Variants in GALNTL6 observed in about 807,000 individuals in gnomAD.
GALNTL6 encodes polypeptide N-acetylgalactosaminyltransferase like 6, also known as polypeptide N-acetylgalactosaminyltransferase-like 6.
A neutral mutation model predicts 73.7 loss-of-function variants in GALNTL6; 46 were observed. That is an observed-to-expected ratio of 0.62 (90% CI 0.49 to 0.80). The LOEUF is 0.80. Ranked by LOEUF, GALNTL6 falls within the 30% of genes least tolerant of loss-of-function variation. The pLI, the probability that GALNTL6 is intolerant of heterozygous loss-of-function variation, is 0.00. For missense variants in GALNTL6, 604 were observed against 755.0 expected (o/e 0.80, Z 2.34); for synonymous variants, 259 against 263.7 (o/e 0.98, Z 0.17).
chr4:172,259,397 ATCT>A (rs1738181497), intron 3 of GALNTL6, among the ~76,000 whole-genome samples: 1 of 149,048 alleles, frequency 6.7e-6, no homozygotes, highest in Non-Finnish European at 1.5e-5. Flanking sequence ...CCATTCGTAT[ATCT>A]TCTTTAGATA....
chr4:172,050,320 G>C (rs146632648), intron 2 of GALNTL6, among the ~76,000 whole-genome samples: 5 of 152,276 alleles, frequency 3.3e-5, no homozygotes, highest in East Asian at 3.9e-4. Flanking sequence ...TTAAGAGCAA[G>C]TGTAAATTTC....
At chr4:172,771,044 G>A (rs1042471031) in intron 5 of GALNTL6, among the ~76,000 whole-genome samples, 1 of 152,078 alleles carries the variant, frequency 6.6e-6, no homozygotes, top group Non-Finnish European at 1.5e-5. Context: ...CAGACCAAAG[G>A]GAAAACCTTA....
At chr4:172,356,572 G>GT (rs1742170565) in intron 5 of GALNTL6, among the ~76,000 whole-genome samples, 4 of 152,132 alleles carry the variant, frequency 2.6e-5, no homozygotes, top group African/African-American at 9.7e-5. Context: ...AAGCTGACAA[G>GT]TTTTGAACAT....
chr4:172,354,045 G>A (rs116358616), intron 5 of GALNTL6, among the ~76,000 whole-genome samples: 83 of 152,190 alleles, frequency 5.5e-4, no homozygotes, highest in African/African-American at 1.8e-3. Context: ...TTGTAAAACC[G>A]AAGAAGAATG....
At chr4:172,476,054 A>G (rs1378170172) in intron 5 of GALNTL6, among the ~76,000 whole-genome samples, 3 of 152,236 alleles carry the variant, frequency 2.0e-5, no homozygotes, top group African/African-American at 7.2e-5. Flanking sequence ...AGTTCCTTAG[A>G]CTGCACCTAT....
chr4:171,901,389 A>G (rs1470856339), intron 2 of GALNTL6, among the ~76,000 whole-genome samples: 1 of 152,152 alleles, frequency 6.6e-6, no homozygotes, highest in Non-Finnish European at 1.5e-5. Context: ...TAGCAACTAG[A>G]CACCTACCAC....
At chr4:171,883,772 C>G (rs1193829432) in intron 2 of GALNTL6, among the ~76,000 whole-genome samples, 1 of 151,804 alleles carries the variant, frequency 6.6e-6, no homozygotes, top group Non-Finnish European at 1.5e-5. Flanking sequence ...CTCAGCCTCC[C>G]GAGTAGCTGG....
At chr4:172,868,242 C>CA (rs1744758243) in intron 7 of GALNTL6, among the ~76,000 whole-genome samples, 1 of 152,134 alleles carries the variant, frequency 6.6e-6, no homozygotes. Flanking sequence ...CAACACTATG[C>CA]AAAAATCACA....
At chr4:172,184,053 AG>A (rs2110861847) in intron 2 of GALNTL6, among the ~76,000 whole-genome samples, 1 of 152,196 alleles carries the variant, frequency 6.6e-6, no homozygotes, top group East Asian at 1.9e-4. Flanking sequence ...GGCCTCCCAA[AG>A]TGTGGGATTA....
chr4:171,853,206 T>C (rs1385885362), intron 2 of GALNTL6, among the ~76,000 whole-genome samples: 1 of 151,858 alleles, frequency 6.6e-6, no homozygotes, highest in Non-Finnish European at 1.5e-5. Flanking sequence ...CTCTCTGTCA[T>C]ACCTTTTCTT....
At chr4:172,156,549 A>ATATAC (rs1734286355) in intron 2 of GALNTL6, among the ~76,000 whole-genome samples, 26 of 65,956 alleles carry the variant, frequency 3.9e-4, no homozygotes, top group African/African-American at 1.4e-3. Context: ...TAATATATAT[A>ATATAC]TATATATATA....
At chr4:172,980,151 A>T (rs1360906963) in intron 10 of GALNTL6, among the ~76,000 whole-genome samples, 1 of 152,202 alleles carries the variant, frequency 6.6e-6, no homozygotes, top group Non-Finnish European at 1.5e-5. Flanking sequence ...GTCCTGCCTT[A>T]TGTGATCTGC....
At chr4:172,843,097 G>A (rs1281479305) in intron 7 of GALNTL6, among the ~76,000 whole-genome samples, 2 of 152,120 alleles carry the variant, frequency 1.3e-5, no homozygotes, top group Admixed American at 6.5e-5. Context: ...CCCTGTCAAA[G>A]GTCCTCTGTA....
At chr4:171,934,115 G>A (rs1023387229) in intron 2 of GALNTL6, among the ~76,000 whole-genome samples, 5 of 152,032 alleles carry the variant, frequency 3.3e-5, no homozygotes, top group African/African-American at 9.7e-5. Context: ...GGATAAATAG[G>A]CTAGTGTATC....
At chr4:172,331,364 C>T (rs1435475563) in intron 4 of GALNTL6, among the ~76,000 whole-genome samples, 1 of 152,078 alleles carries the variant, frequency 6.6e-6, no homozygotes, top group Non-Finnish European at 1.5e-5. Context: ...ACTGCAACCT[C>T]CACCTCCCAG....
At chr4:172,192,439 C>T (rs542563437) in intron 2 of GALNTL6, among the ~76,000 whole-genome samples, 4 of 152,054 alleles carry the variant, frequency 2.6e-5, no homozygotes, top group South Asian at 2.1e-4. Flanking sequence ...CTGAGAAGAA[C>T]GAAAACGGCA....
chr4:172,024,961 C>G (rs1487211360), intron 2 of GALNTL6, among the ~76,000 whole-genome samples: 1 of 151,578 alleles, frequency 6.6e-6, no homozygotes, highest in African/African-American at 2.4e-5. Flanking sequence ...AGTCTAAGAA[C>G]AAAATATTAC....
intron 2 of GALNTL6, among the ~76,000 whole-genome samples, chr4:172,131,719 G>A (rs916548348): frequency 1.3e-5 from 2 of 151,746 alleles, no homozygotes; most frequent in South Asian, 2.1e-4. Context: ...CTTTGGGTGT[G>A]TTTTCTTACA....
Position 172,842,752 on chromosome 4 carries a change from A to AT in GALNTL6, c.923+29041dup, listed in dbSNP as rs551333924. On this transcript the variant is annotated intron_variant, in intron 7 of 12. Coordinates refer to ENST00000506823, the MANE Select transcript of GALNTL6 (RefSeq NM_001034845.3). Reference sequence around the variant, plus strand: ...AGAGTAAGAGGGTTTCTCATATGTCATTTTTTTTTTTTAATGGCAGTGAAA... The same window carrying AT: ...AGAGTAAGAGGGTTTCTCATATGTCATTTTTTTTTTTTTAATGGCAGTGAAA... 3.3e-3 allele frequency among the ~76,000 whole-genome samples: 478 copies of AT among 144,558 alleles called. 3 individuals carry two copies. The South Asian group carries it at 0.033, about 10-fold the overall frequency. The allele number at this position is 144,558 out of a possible 152,430, so 94.8% of individuals were successfully genotyped here.
Sources: allele counts gnomAD v4.1 joint callset (sites outside exome capture counted in the v4.1 genomes callset), GRCh38; gene constraint gnomAD v4.1.1; transcripts MANE v1.5; gene names NCBI Gene and HGNC (gene_info 2026-07-23, HGNC 2026-07-21).